PHEX: variants seen among roughly 807,000 people sequenced by gnomAD.
The protein encoded by PHEX is phosphate regulating endopeptidase X-linked.
Under a neutral mutation model 68.0 loss-of-function variants are expected in PHEX, and 16 were observed. The observed-to-expected ratio is 0.24, with a 90% CI of 0.16 to 0.36. The LOEUF is 0.36. Ranked by LOEUF, PHEX falls within the 10% of genes least tolerant of loss-of-function variation. The pLI, the probability that PHEX is intolerant of heterozygous loss-of-function variation, is 1.00. For synonymous variants in PHEX, 208 were observed against 205.1 expected (o/e 1.01, Z -0.12); for missense variants, 480 against 575.5 (o/e 0.83, Z 1.70).
intron 9 of PHEX, among the ~76,000 whole-genome samples, chrX:22,107,615 C>T (rs1930760811): frequency 8.9e-6 from 1 of 111,962 alleles, no homozygotes; most frequent in Non-Finnish European, 1.9e-5. Flanking sequence ...ATTATTTAGC[C>T]TGTCCAGAGT....
chrX:22,064,358 T>C (rs931666640), intron 3 of PHEX, among the ~76,000 whole-genome samples: 9 of 110,671 alleles, frequency 8.1e-5, no homozygotes, highest in African/African-American at 3.0e-4. Context: ...GTCCATGTGT[T>C]CTCTCATTAT....
chrX:22,139,748 C>G (rs1269873299), intron 12 of PHEX, among the ~76,000 whole-genome samples: 5 of 107,390 alleles, frequency 4.7e-5, no homozygotes, highest in African/African-American at 1.7e-4. Flanking sequence ...CTGTGTTGCC[C>G]AGGCTGGTCT....
At chrX:22,120,270 T>C (rs1311532758) in intron 11 of PHEX, among the ~76,000 whole-genome samples, 1 of 111,185 alleles carries the variant, frequency 9.0e-6, no homozygotes, top group African/African-American at 3.3e-5. Flanking sequence ...AGCTTGAAAA[T>C]GGCTTAGGTA....
At chrX:22,214,946 T>G (rs1444153159) in intron 16 of PHEX, among the ~76,000 whole-genome samples, 2 of 111,568 alleles carry the variant, frequency 1.8e-5, no homozygotes, top group Non-Finnish European at 3.8e-5. Flanking sequence ...CTTTTAAGTT[T>G]AGAAATATAT....
At position 22,114,450 on chromosome X, in the gene PHEX, T is replaced by C; in HGVS notation, c.1174-8T>C. On this transcript the variant is annotated splice_polypyrimidine_tract_variant and splice_region_variant and intron_variant, in intron 10 of 21. Coordinates refer to ENST00000379374, the MANE Select transcript of PHEX (RefSeq NM_000444.6). ...TGAAGTTTAATCTGGATCAATTATC[T>C]CCCACAGGTAATCCAGGGGACCACA... is the stretch of plus-strand genomic sequence containing the variant. 2 of 1,205,034 alleles carry C rather than the reference T, an allele frequency of 1.7e-6. No individual in the cohort carries two copies. The highest frequency in any genetic ancestry group is 2.2e-6 in the Non-Finnish European group (2 of 889,462).
intron 20 of PHEX, among the ~76,000 whole-genome samples, chrX:22,235,876 C>G (rs953757339): frequency 9.0e-6 from 1 of 110,892 alleles, no homozygotes. Flanking sequence ...TGGAATACCA[C>G]TTTTATTTCA....
chrX:22,242,783 C>T (rs1936264419), intron 20 of PHEX, among the ~76,000 whole-genome samples: 1 of 111,604 alleles, frequency 9.0e-6, no homozygotes, highest in Non-Finnish European at 1.9e-5. Context: ...AAAAAGAGGA[C>T]ACAAACAAAT....
intron 3 of PHEX, among the ~76,000 whole-genome samples, chrX:22,069,775 G>A (rs1928809170): frequency 8.9e-6 from 1 of 111,757 alleles, no homozygotes; most frequent in African/African-American, 3.3e-5. Flanking sequence ...TTAATCCCAT[G>A]CTTGACTGGC....
At position 22,122,728 on chromosome X, in the gene PHEX, GGGTTGGCTGATCAA is replaced by G. The variant is rs758710747; in HGVS notation, c.1302+8151_1302+8164del. Among the ~76,000 whole-genome samples the G allele has an allele frequency of 2.7e-5, 3 of 111,297 alleles. No homozygotes were observed. The East Asian group carries it at 8.5e-4, about 32-fold the overall frequency. ...TGGCCAGGCTGGCTTGAATTTCTGG[GGGTTGGCTGATCAA>G]GGTTGGCTTTGGCAGAGGTGATTGG... On this transcript the variant is annotated intron_variant, in intron 11 of 21. Coordinates refer to ENST00000379374, the MANE Select transcript of PHEX (RefSeq NM_000444.6).
At chrX:22,077,756 G>T (rs1334242652) in intron 5 of PHEX, 54 bp downstream of exon 5, 7 of 920,760 alleles carry the variant, frequency 7.6e-6, no homozygotes, top group Non-Finnish European at 1.1e-5. Flanking sequence ...AGCCTTTTGG[G>T]GTGCCATCCT....
intron 3 of PHEX, among the ~76,000 whole-genome samples, chrX:22,075,154 C>A (rs1298394201): frequency 9.2e-6 from 1 of 109,157 alleles, no homozygotes; most frequent in African/African-American, 3.3e-5. Flanking sequence ...AAACACCAAA[C>A]AAGCTGAAAT....
chrX:22,151,067 T>A (rs1932847422), intron 12 of PHEX, among the ~76,000 whole-genome samples: 1 of 112,213 alleles, frequency 8.9e-6, no homozygotes, highest in African/African-American at 3.2e-5. Context: ...GTGTTTTGTC[T>A]AAGGCGACAG....
At chrX:22,245,458 C>A in intron 21 of PHEX, 49 bp downstream of exon 21, 2 of 836,491 alleles carry the variant, frequency 2.4e-6, no homozygotes, top group South Asian at 2.0e-5. Flanking sequence ...CATCTCCCCC[C>A]TTCCTCCCCC....
intron 20 of PHEX, among the ~76,000 whole-genome samples, chrX:22,235,765 A>G (rs1307068541): frequency 2.7e-5 from 3 of 109,577 alleles, no homozygotes; most frequent in Non-Finnish European, 5.7e-5. Context: ...ATATAGGCAT[A>G]ATCTTAATAA....
chrX:22,089,241 T>G (rs1270595988), intron 5 of PHEX, among the ~76,000 whole-genome samples: 1 of 111,493 alleles, frequency 9.0e-6, no homozygotes, highest in Non-Finnish European at 1.9e-5. Flanking sequence ...AGGCTGGCCT[T>G]GAATTCCTGA....
At chrX:22,038,192 C>T (rs992028441) in intron 1 of PHEX, among the ~76,000 whole-genome samples, 4 of 110,490 alleles carry the variant, frequency 3.6e-5, no homozygotes, top group African/African-American at 1.3e-4. Context: ...GCTGCTGCTG[C>T]TCTAGAGACC....
intron 16 of PHEX, 118 bp downstream of exon 16, chrX:22,213,076 G>A (rs1934983564): frequency 3.3e-6 from 2 of 605,341 alleles, no homozygotes; most frequent in African/African-American, 4.4e-5. Flanking sequence ...ATGGAATCTG[G>A]CGTGGGTCGC....
chrX:22,097,047 A>AAACTAT lies in PHEX; in HGVS notation c.933+10_933+15dup, dbSNP rs1441311692. On this transcript the variant is annotated intron_variant, in intron 8 of 21. Transcript: ENST00000379374. ...GTGCTATGATTCCCCAGGTTGGTGA[A>AAACTAT]AACTATCCAGAAAACTTTCTCTCAA... 3 of 1,136,285 alleles carry AAACTAT rather than the reference A, an allele frequency of 2.6e-6. No individual in the cohort carries two copies. Among genetic ancestry groups the AAACTAT allele is most frequent in the Non-Finnish European group, 3.6e-6 (3 of 826,270 alleles). 93.6% of individuals were successfully genotyped at this position (1,136,285 alleles called of 1,213,427 possible). A position where few individuals can be genotyped will look rare whatever the true frequency, so the allele number is the denominator to read the frequency against.
At chrX:22,051,926 A>C (rs1403757586) in intron 3 of PHEX, among the ~76,000 whole-genome samples, 1 of 111,651 alleles carries the variant, frequency 9.0e-6, no homozygotes, top group Admixed American at 9.6e-5. Context: ...TCAAATGTCA[A>C]ATGTGCTAAA....
Sources: allele counts gnomAD v4.1 joint callset (sites outside exome capture counted in the v4.1 genomes callset), GRCh38; gene constraint gnomAD v4.1.1; transcripts MANE v1.5; gene names NCBI Gene and HGNC (gene_info 2026-07-23, HGNC 2026-07-21).